Variants in MCPH1 observed in about 807,000 individuals in gnomAD.
The protein encoded by MCPH1 is microcephalin 1.
In MCPH1, 104 loss-of-function variants were observed where a neutral mutation model predicts 84.5. The observed-to-expected ratio is 1.23, with a 90% confidence interval of 1.05 to 1.45. The LOEUF is 1.45. Among genes scored for constraint, MCPH1 ranks in the 40% most tolerant of loss-of-function variants. MCPH1 has a pLI of 0.00. For synonymous variants in MCPH1, 514 were observed against 366.8 expected (o/e 1.40, Z -4.58); for missense variants, 1,498 against 1,005.7 (o/e 1.49, Z -6.62).
At chr8:6,417,520 CT>C (rs200243717) in intron 3 of MCPH1, among the ~76,000 whole-genome samples, 32 of 151,740 alleles carry the variant, frequency 2.1e-4, no homozygotes, top group East Asian at 1.5e-3. Context: ...ATTGTTCAGT[CT>C]TTTTTTTTCT....
intron 12 of MCPH1, among the ~76,000 whole-genome samples, chr8:6,562,046 A>G (rs1339277640): frequency 6.6e-6 from 1 of 152,236 alleles, no homozygotes; most frequent in African/African-American, 2.4e-5. Flanking sequence ...CCCTGTTTAC[A>G]GACGGCAAGC....
chr8:6,588,721 A>G (rs1382719309), intron 12 of MCPH1, among the ~76,000 whole-genome samples: 1 of 152,240 alleles, frequency 6.6e-6, no homozygotes, highest in Non-Finnish European at 1.5e-5. Flanking sequence ...ATGTTACAAA[A>G]TTATTAGCCT....
chr8:6,527,948 T>G (rs1818681177), intron 12 of MCPH1, among the ~76,000 whole-genome samples: 1 of 143,428 alleles, frequency 7.0e-6, no homozygotes, highest in South Asian at 2.3e-4. Flanking sequence ...CGGGGTGGAG[T>G]GCAGTGGCAT....
chr8:6,587,053 T>G (rs1240437470), intron 12 of MCPH1, among the ~76,000 whole-genome samples: 2 of 151,714 alleles, frequency 1.3e-5, no homozygotes, highest in African/African-American at 4.8e-5. Context: ...GACCTCTGCT[T>G]CCACTTCTCG....
At chr8:6,527,759 G>A (rs537987753) in intron 12 of MCPH1, 7 of 1,260,954 alleles carry the variant, frequency 5.6e-6, no homozygotes, top group South Asian at 1.5e-5. Flanking sequence ...AAGTACCCAA[G>A]CTACAGGAAA....
intron 10 of MCPH1, among the ~76,000 whole-genome samples, chr8:6,479,506 C>T (rs921472806): frequency 1.1e-4 from 17 of 151,678 alleles, no homozygotes; most frequent in Middle Eastern, 3.4e-3. Flanking sequence ...GCAATCTCCT[C>T]CCACTGCAAG....
intron 12 of MCPH1, among the ~76,000 whole-genome samples, chr8:6,605,302 C>T (rs368391098): frequency 6.6e-6 from 1 of 152,200 alleles, no homozygotes; most frequent in Non-Finnish European, 1.5e-5. Context: ...CCTGCCTGTA[C>T]TCCTGTTCGC....
intron 12 of MCPH1, chr8:6,502,338 T>C: frequency 6.6e-6 from 1 of 152,324 alleles, no homozygotes; most frequent in Non-Finnish European, 1.5e-5. Flanking sequence ...TACCTTCATA[T>C]TTAACAATCA....
At chr8:6,635,616 A>G (rs2129582812) in intron 13 of MCPH1, among the ~76,000 whole-genome samples, 1 of 152,170 alleles carries the variant, frequency 6.6e-6, no homozygotes, top group African/African-American at 2.4e-5. Flanking sequence ...AAACTAAGTA[A>G]ATATTTTGTA....
At chr8:6,425,176 C>T (rs2515555) in intron 3 of MCPH1, among the ~76,000 whole-genome samples, 1 of 152,064 alleles carries the variant, frequency 6.6e-6, no homozygotes, top group African/African-American at 2.4e-5. Flanking sequence ...CATCACAGCA[C>T]GGCTTCCCGA....
intron 12 of MCPH1, among the ~76,000 whole-genome samples, chr8:6,528,214 G>C (rs933868045): frequency 6.6e-6 from 1 of 152,108 alleles, no homozygotes; most frequent in Non-Finnish European, 1.5e-5. Flanking sequence ...TCTCTATCTT[G>C]GAAAGTGGTT....
Position 6,643,188 on chromosome 8 carries a change from G to A in MCPH1, c.*139G>A, listed in dbSNP as rs1355780065. ...TGATATCATGTTTGCCATGTGTTGT[G>A]GTTCTTAAGAACTCATAGGTGACTT... On this transcript the variant is annotated 3_prime_UTR_variant, in exon 14 of 14. Transcript: ENST00000344683. 1.3e-6 allele frequency: 1 copy of A among 777,844 alleles called. No individual in the cohort carries two copies. Among genetic ancestry groups the A allele is most frequent in the Non-Finnish European group, 2.2e-6 (1 of 450,190 alleles). 48.2% of individuals were successfully genotyped at this position (777,844 alleles called of 1,614,324 possible).
intron 11 of MCPH1, among the ~76,000 whole-genome samples, chr8:6,498,813 C>T (rs1169124653): frequency 6.6e-6 from 1 of 152,052 alleles, no homozygotes; most frequent in African/African-American, 2.4e-5. Flanking sequence ...TGCATTGAGG[C>T]TGAGGTCAGC....
chr8:6,513,915 G>A (rs148140157), intron 12 of MCPH1: 62 of 1,366,036 alleles, frequency 4.5e-5, no homozygotes, highest in Middle Eastern at 3.7e-4. Flanking sequence ...TGGATAGTCC[G>A]TCAACTTAAC....
intron 12 of MCPH1, among the ~76,000 whole-genome samples, chr8:6,569,456 C>G (rs144375522): frequency 1.1e-3 from 169 of 152,288 alleles, no homozygotes; most frequent in African/African-American, 3.8e-3. Flanking sequence ...TAAATCCTGA[C>G]TTTGGAATGC....
At chr8:6,517,785 G>A (rs1055829407) in intron 12 of MCPH1, among the ~76,000 whole-genome samples, 6 of 152,190 alleles carry the variant, frequency 3.9e-5, no homozygotes, top group African/African-American at 1.4e-4. Context: ...GCCACAAATG[G>A]CAGAGCTAGA....
At position 6,446,820 on chromosome 8, in the gene MCPH1, C is replaced by T. The variant is rs1414416551; in HGVS notation, c.1825+1273C>T. On this transcript the variant is annotated intron_variant, in intron 8 of 13. Coordinates refer to ENST00000344683, the MANE Select transcript of MCPH1 (RefSeq NM_024596.5). ...ACAGTGTGGCATGGCCTAAAATCCCCGTGTTGCTGGGAGTGTGCTAGTCCT... is the reference window on the plus strand; with the variant it reads ...ACAGTGTGGCATGGCCTAAAATCCCTGTGTTGCTGGGAGTGTGCTAGTCCT... 1.0e-5 allele frequency: 10 copies of T among 985,160 alleles called. No individual in the cohort carries two copies. The South Asian group carries it at 1.4e-4, about 14-fold the overall frequency. 61.0% of individuals were successfully genotyped at this position (985,160 alleles called of 1,614,324 possible). A position where few individuals can be genotyped will look rare whatever the true frequency, so the allele number is the denominator to read the frequency against.
intron 4 of MCPH1, among the ~76,000 whole-genome samples, chr8:6,435,138 A>G (rs1164234596): frequency 2.6e-5 from 4 of 151,662 alleles, no homozygotes; most frequent in Non-Finnish European, 5.9e-5. Context: ...TTACTGGCTG[A>G]TTGGAGTTAC....
At chr8:6,472,327 A>G (rs1807835434) in intron 9 of MCPH1, among the ~76,000 whole-genome samples, 1 of 152,208 alleles carries the variant, frequency 6.6e-6, no homozygotes, top group Non-Finnish European at 1.5e-5. Flanking sequence ...TTGATGTGAC[A>G]ATTTGTCCCA....
Sources: allele counts gnomAD v4.1 joint callset (sites outside exome capture counted in the v4.1 genomes callset), GRCh38; gene constraint gnomAD v4.1.1; transcripts MANE v1.5; gene names NCBI Gene and HGNC (gene_info 2026-07-23, HGNC 2026-07-21).